The following ABCA13 variants were observed in gnomAD, a reference collection of about 807,000 sequenced individuals.
ABCA13 encodes ATP-binding cassette sub-family A member 13.
A neutral mutation model predicts 478.7 loss-of-function variants in ABCA13; 476 were observed. The observed-to-expected ratio is 0.99, with a 90% CI of 0.92 to 1.07. The LOEUF (loss-of-function observed/expected upper bound fraction) is 1.07, where lower values mean the gene tolerates loss of function less well. Among genes scored for constraint, ABCA13 ranks in the 50% least tolerant of loss-of-function variants. The probability of loss-of-function intolerance (pLI) is 0.00; values close to 1 mark genes in which losing one functional copy is unlikely to be tolerated. For missense variants in ABCA13, 6,060 were observed against 5,910.6 expected (o/e 1.03, Z -0.83); for synonymous variants, 2,252 against 2,158.9 (o/e 1.04, Z -1.20).
At chr7:48,358,286 G>C (rs1417566718) in intron 31 of ABCA13, among the ~76,000 whole-genome samples, 1 of 140,338 alleles carries the variant, frequency 7.1e-6, no homozygotes, top group Admixed American at 7.3e-5. Context: ...TGCCTGGCAT[G>C]TTTTCTTATA....
intron 42 of ABCA13, among the ~76,000 whole-genome samples, chr7:48,434,043 G>T (rs1204984927): frequency 6.6e-6 from 1 of 151,898 alleles, no homozygotes; most frequent in East Asian, 1.9e-4. Context: ...AACAAGAAAT[G>T]GAATTACTGG....
At chr7:48,266,782 A>AT (rs1387753986) in intron 15 of ABCA13, among the ~76,000 whole-genome samples, 2 of 151,792 alleles carry the variant, frequency 1.3e-5, no homozygotes, top group African/African-American at 4.8e-5. Context: ...GAGGTCATCA[A>AT]TTTGATACCA....
intron 7 of ABCA13, among the ~76,000 whole-genome samples, chr7:48,233,018 T>A (rs1789393029): frequency 6.6e-6 from 1 of 152,242 alleles, no homozygotes; most frequent in Non-Finnish European, 1.5e-5. Flanking sequence ...ATGCTGGTTT[T>A]AATCTCAGAC....
At position 48,410,822 on chromosome 7, in the gene ABCA13, G is replaced by T. The variant is rs556295545; in HGVS notation, c.12228+145G>T. The stretch of plus-strand genomic sequence containing the variant: ...CACATGCCAAAATAAGTGGCCCCAG[G>T]CCTGTGCAGGGAGCAAGCCTCTGGG... On this transcript the variant is annotated intron_variant, in intron 40 of 61. Coordinates refer to ENST00000435803, the MANE Select transcript of ABCA13 (RefSeq NM_152701.5). 832 of 1,197,658 alleles carry T rather than the reference G, an allele frequency of 6.9e-4. 13 individuals are homozygous for T. In the South Asian group the frequency reaches 0.012, roughly 17 times the overall value. 74.2% of individuals were successfully genotyped at this position (1,197,658 alleles called of 1,614,324 possible). A position where few individuals can be genotyped will look rare whatever the true frequency, so the allele number is the denominator to read the frequency against.
At chr7:48,624,065 T>A (rs1376107646) in intron 59 of ABCA13, among the ~76,000 whole-genome samples, 15 of 145,022 alleles carry the variant, frequency 1.0e-4, no homozygotes, top group Non-Finnish European at 2.1e-4. Flanking sequence ...ATAGAGTGTG[T>A]GTGTGTGTGT....
chr7:48,593,639 T>C (rs950351160), intron 57 of ABCA13, among the ~76,000 whole-genome samples: 1 of 152,088 alleles, frequency 6.6e-6, no homozygotes, highest in Non-Finnish European at 1.5e-5. Flanking sequence ...TAGAATCCTT[T>C]TATTTTGTTT....
chr7:48,243,521 C>T (rs1791190657), intron 10 of ABCA13, among the ~76,000 whole-genome samples: 1 of 152,192 alleles, frequency 6.6e-6, no homozygotes, highest in Admixed American at 6.5e-5. Context: ...AGCAATTGCT[C>T]CGCCTTGTAG....
At chr7:48,450,690 C>T (rs1006390582) in intron 42 of ABCA13, among the ~76,000 whole-genome samples, 2 of 151,332 alleles carry the variant, frequency 1.3e-5, no homozygotes, top group East Asian at 1.9e-4. Flanking sequence ...TGTTTTAACC[C>T]TCCCTCATTT....
At chr7:48,388,520 T>C (rs113267265) in intron 36 of ABCA13, among the ~76,000 whole-genome samples, 1,653 of 152,276 alleles carry the variant, frequency 0.011, 31 homozygotes, top group African/African-American at 0.038. Context: ...TGCCAAAGGA[T>C]GAATCCATAG....
intron 27 of ABCA13, among the ~76,000 whole-genome samples, chr7:48,324,271 A>T (rs1410630175): frequency 6.6e-6 from 1 of 152,192 alleles, no homozygotes; most frequent in East Asian, 1.9e-4. Flanking sequence ...GTGTCCTCAC[A>T]TAGTTGTCCC....
At chr7:48,381,967 C>G (rs1814455842) in intron 35 of ABCA13, among the ~76,000 whole-genome samples, 1 of 152,202 alleles carries the variant, frequency 6.6e-6, no homozygotes, top group Non-Finnish European at 1.5e-5. Context: ...CATTTGGCAG[C>G]TCTCTGCTTT....
chr7:48,539,619 A>G (rs1833827913), intron 55 of ABCA13, among the ~76,000 whole-genome samples: 1 of 152,212 alleles, frequency 6.6e-6, no homozygotes, highest in Non-Finnish European at 1.5e-5. Flanking sequence ...TTCTGATAGA[A>G]TTAGAATGTA....
chr7:48,378,933 A>G (rs551510724), intron 35 of ABCA13, among the ~76,000 whole-genome samples: 1 of 152,226 alleles, frequency 6.6e-6, no homozygotes, highest in Non-Finnish European at 1.5e-5. Flanking sequence ...CCACCTTTGA[A>G]TGGCAGACAC....
chr7:48,569,430 C>A (rs1787389062), intron 55 of ABCA13, among the ~76,000 whole-genome samples: 1 of 152,078 alleles, frequency 6.6e-6, no homozygotes, highest in Non-Finnish European at 1.5e-5. Flanking sequence ...CCAAAGATTG[C>A]TTCTGTATTG....
In ABCA13 at chr7:48,471,564, T is replaced by A; in HGVS notation, c.12940T>A (p.Ser4314Thr). Residue 4314 changes from serine to threonine, a missense_variant, in exon 45 of 62, where the codon TCT becomes ACT. By Grantham distance (58) the Ser-to-Thr change is moderately conservative. Around this residue, in one of 3 missense-constraint regions of ABCA13, gnomAD observed 1,627 missense variants for 1,571.0 expected, o/e 1.04. Transcript: ENST00000435803. ...TTCATGCTGGCGCACAGATCCCTTT[T>A]CTCACCCAGAATTCCAGGATTCATG... Reference protein sequence around the residue: ...NSSCWRTDPFSHPEFQDSCGC... With the variant: ...NSSCWRTDPFTHPEFQDSCGC... 6.4e-7 allele frequency: 1 copy of A among 1,564,594 alleles called. No homozygotes were observed. The highest frequency in any genetic ancestry group is 8.7e-7 in the Non-Finnish European group (1 of 1,152,406).
intron 58 of ABCA13, among the ~76,000 whole-genome samples, chr7:48,602,605 C>G (rs1791022973): frequency 6.6e-6 from 1 of 152,112 alleles, no homozygotes; most frequent in Non-Finnish European, 1.5e-5. Context: ...GTACCAGTAC[C>G]ATGCTGTTTC....
At chr7:48,452,122 CT>C (rs1825119191) in intron 42 of ABCA13, among the ~76,000 whole-genome samples, 1 of 152,094 alleles carries the variant, frequency 6.6e-6, no homozygotes, top group Non-Finnish European at 1.5e-5. Context: ...AAAATTTATT[CT>C]TCTTAATATG....
intron 25 of ABCA13, among the ~76,000 whole-genome samples, chr7:48,313,453 C>A (rs1802073849): frequency 6.6e-6 from 1 of 152,186 alleles, no homozygotes; most frequent in Admixed American, 6.5e-5. Flanking sequence ...ATCTACATTC[C>A]ACCAGTGTGG....
At chr7:48,645,216 T>C (rs1795364616) in intron 61 of ABCA13, among the ~76,000 whole-genome samples, 1 of 152,178 alleles carries the variant, frequency 6.6e-6, no homozygotes. Flanking sequence ...ATTATAATTG[T>C]CTAGAAATAT....
Sources: gnomAD v4.1 joint callset for allele counts (sites outside exome capture counted in the v4.1 genomes callset) on GRCh38, gnomAD v4.1.1 for gene constraint, gnomAD v4.1.1 regional missense constraint, MANE v1.5 for transcripts, NCBI Gene and HGNC (gene_info 2026-07-23, HGNC 2026-07-21) for gene names.